The following DNAH9 variants were observed in gnomAD, a reference collection of about 807,000 sequenced individuals.
DNAH9 encodes the protein DNAH9 variant protein.
DNAH9 carries 345 observed loss-of-function variants against 471.6 expected under a neutral mutation model. The observed-to-expected ratio is 0.73, with a 90% confidence interval of 0.67 to 0.80. DNAH9 has a LOEUF of 0.80. DNAH9 is among the 30% of genes least tolerant of loss of function. The pLI is 0.00. For missense variants in DNAH9, 5,407 were observed against 5,609.2 expected (o/e 0.96, Z 1.15); for synonymous variants, 2,093 against 2,123.6 (o/e 0.99, Z 0.40).
intron 15 of DNAH9, among the ~76,000 whole-genome samples, chr17:11,668,087 G>A (rs2073905779): frequency 6.6e-6 from 1 of 152,168 alleles, no homozygotes; most frequent in African/African-American, 2.4e-5. Context: ...GCTCTGTGTT[G>A]TATTTTGATT....
At chr17:11,606,311 A>G (rs1490262596) in intron 1 of DNAH9, among the ~76,000 whole-genome samples, 3 of 151,912 alleles carry the variant, frequency 2.0e-5, no homozygotes, top group Non-Finnish European at 4.4e-5. Context: ...GATTATTTAT[A>G]TATTGGTAGC....
chr17:11,687,487 T>C (rs2074259947), intron 19 of DNAH9, among the ~76,000 whole-genome samples: 1 of 152,154 alleles, frequency 6.6e-6, no homozygotes, highest in African/African-American at 2.4e-5. Context: ...CAAGAGTTTG[T>C]ATGTCATTTT....
In DNAH9 at chr17:11,942,385, G is replaced by A. The variant is rs753041994; in HGVS notation, c.12743G>A (p.Arg4248His). 2.0e-5 allele frequency: 33 copies of A among 1,614,166 alleles called. No homozygotes were observed. The highest frequency in any genetic ancestry group is 8.9e-5 in the East Asian group (4 of 44,884). The change falls in exon 67 of 69, where the codon CGC (arginine) becomes CAC (histidine). Residue 4248 changes from arginine to histidine, a missense_variant. Arg to His is a conservative substitution (Grantham distance 29, BLOSUM62 0). Around this residue, in one of 3 missense-constraint regions of DNAH9, gnomAD observed 4,636 missense variants for 4,900.3 expected, o/e 0.95. Coordinates refer to ENST00000262442, the MANE Select transcript of DNAH9 (RefSeq NM_001372.4). The part of the protein sequence containing the change: ...IPELMAKVEE[R>H]TPYIVVAFQE... Reference sequence around the variant, plus strand: ...GAACTGATGGCCAAAGTGGAGGAGCGCACCCCTTACATTGTAGTTGCCTTC... The same window carrying A: ...GAACTGATGGCCAAAGTGGAGGAGCACACCCCTTACATTGTAGTTGCCTTC...
intron 28 of DNAH9, among the ~76,000 whole-genome samples, chr17:11,731,483 T>C (rs2075269235): frequency 6.6e-6 from 1 of 151,576 alleles, no homozygotes; most frequent in South Asian, 2.1e-4. Flanking sequence ...ATGTGCCATG[T>C]TGGTGTGCTG....
chr17:11,943,562 A>C (rs1273828986), intron 67 of DNAH9, among the ~76,000 whole-genome samples: 1 of 152,070 alleles, frequency 6.6e-6, no homozygotes, highest in African/African-American at 2.4e-5. Flanking sequence ...CTGTAGTCCC[A>C]GTTGCTGGGG....
In DNAH9 at chr17:11,756,568, G is replaced by C. The variant is rs138590276; in HGVS notation, c.6739G>C (p.Val2247Leu). Residue 2247 changes from valine to leucine, a missense_variant and splice_region_variant, in exon 34 of 69, where the codon GTG becomes CTG. Transcript: ENST00000262442. Reference protein sequence around the residue: ...SLNTVMDDNKVLTLASNERIP... With the variant: ...SLNTVMDDNKLLTLASNERIP... ...GCATGCCCTTCCCTGTTGTCTCCAG[G>C]TGCTGACATTGGCCAGCAATGAGAG... The C allele has an allele frequency of 6.3e-7, 1 of 1,597,546 alleles. No individual in the cohort carries two copies. The highest frequency in any genetic ancestry group is 8.6e-7 in the Non-Finnish European group (1 of 1,164,856).
intron 38 of DNAH9, among the ~76,000 whole-genome samples, chr17:11,770,234 T>G (rs1261637838): frequency 3.9e-5 from 6 of 152,208 alleles, no homozygotes; most frequent in Non-Finnish European, 1.5e-5. Context: ...GCCAGCAGAC[T>G]TGCAAAGCAG....
intron 48 of DNAH9, among the ~76,000 whole-genome samples, chr17:11,830,667 C>T (rs1438665378): frequency 6.6e-6 from 1 of 152,122 alleles, no homozygotes; most frequent in Non-Finnish European, 1.5e-5. Context: ...GTTATCAAGA[C>T]GTTTTTGATG....
At chr17:11,681,497 C>T (rs2150742604) in intron 19 of DNAH9, among the ~76,000 whole-genome samples, 1 of 152,250 alleles carries the variant, frequency 6.6e-6, no homozygotes, top group African/African-American at 2.4e-5. Context: ...GCTTCTGGTC[C>T]ACTGCTCAGC....
At chr17:11,906,114 C>A (rs1597810695) in intron 61 of DNAH9, among the ~76,000 whole-genome samples, 2 of 152,136 alleles carry the variant, frequency 1.3e-5, no homozygotes, top group Admixed American at 1.3e-4. Context: ...TAGTATGATC[C>A]TTCCACAGGG....
intron 11 of DNAH9, among the ~76,000 whole-genome samples, chr17:11,646,161 G>C (rs112280537): frequency 6.7e-6 from 1 of 149,372 alleles, no homozygotes; most frequent in Non-Finnish European, 1.5e-5. Flanking sequence ...TTACAGGTGT[G>C]AGCCACCACG....
intron 26 of DNAH9, among the ~76,000 whole-genome samples, chr17:11,716,074 T>G (rs2150796452): frequency 6.8e-6 from 1 of 147,842 alleles, no homozygotes; most frequent in Non-Finnish European, 1.5e-5. Flanking sequence ...CTCTTTCTTT[T>G]TCTTTCTCTT....
At position 11,617,526 on chromosome 17, in the gene DNAH9, C is replaced by T. The variant is rs369392784; in HGVS notation, c.1020C>T (p.His340=). The T allele has an allele frequency of 8.7e-6, 14 of 1,614,126 alleles. No homozygotes were observed. Among genetic ancestry groups the T allele is most frequent in the Middle Eastern group, 3.3e-4 (2 of 6,062 alleles). Reference sequence around the variant, plus strand: ...AGCCCCAGCTGCGGCCCCTGCTCCACGTGGTCTGTCTGATTTGGGCCACAT... The same window carrying T: ...AGCCCCAGCTGCGGCCCCTGCTCCATGTGGTCTGTCTGATTTGGGCCACAT... ...EVKPQLRPLL[H]VVCLIWATCK... Residue 340 remains histidine, a synonymous_variant, in exon 5 of 69, where the codon CAC becomes CAT. Coordinates refer to ENST00000262442, the MANE Select transcript of DNAH9 (RefSeq NM_001372.4).
At chr17:11,831,452 T>G (rs1317225909) in intron 48 of DNAH9, among the ~76,000 whole-genome samples, 1 of 152,022 alleles carries the variant, frequency 6.6e-6, no homozygotes, top group East Asian at 1.9e-4. Context: ...TATCTCTTCA[T>G]GATGGACCCG....
In DNAH9 at chr17:11,745,002, G is replaced by A. The variant is rs1597582072; in HGVS notation, c.6317G>A (p.Arg2106Lys). 5 of 1,614,124 alleles carry A rather than the reference G, an allele frequency of 3.1e-6. No individual in the cohort carries two copies. Among genetic ancestry groups the A allele is most frequent in the Non-Finnish European group, 4.2e-6 (5 of 1,179,994 alleles). Residue 2106 changes from arginine to lysine, a missense_variant, in exon 31 of 69, where the codon AGG becomes AAG. Physicochemically the swap from Arg to Lys is conservative, Grantham distance 26. This residue lies in a region of DNAH9 where 4,636 missense variants were observed against 4,900.3 expected (regional missense o/e 0.95). Transcript: ENST00000262442. ...TTTCCCGCCCTGGATGTCCCCCGGAGGAGAGACCCCAACTTCGAAGCTTTG... is the reference window on the plus strand; with the variant it reads ...TTTCCCGCCCTGGATGTCCCCCGGAAGAGAGACCCCAACTTCGAAGCTTTG... ...DLFPALDVPRRRDPNFEALVR... is the reference protein window; with the variant it reads ...DLFPALDVPRKRDPNFEALVR...
Position 11,962,591 on chromosome 17 carries a change from G to T in DNAH9, c.13233+335G>T, listed in dbSNP as rs1259718095. On this transcript the variant is annotated intron_variant, in intron 68 of 68. Coordinates refer to ENST00000262442, the MANE Select transcript of DNAH9 (RefSeq NM_001372.4). This position sits in a 1 kb window ranked among gnomAD's most constrained non-coding sequence, Gnocchi z 4.1. ...TGTTAGATGGGAGAAGAGCGTCATTGTAAAAGTTAAACGAGCTAATATGTA... is the reference window on the plus strand; with the variant it reads ...TGTTAGATGGGAGAAGAGCGTCATTTTAAAAGTTAAACGAGCTAATATGTA... Among the ~76,000 whole-genome samples the T allele has an allele frequency of 6.6e-6, 1 of 152,104 alleles. No homozygotes were observed. The highest frequency in any genetic ancestry group is 2.4e-5 in the African/African-American group (1 of 41,418).
At chr17:11,706,577 C>T (rs1258651634) in intron 26 of DNAH9, among the ~76,000 whole-genome samples, 1 of 152,114 alleles carries the variant, frequency 6.6e-6, no homozygotes, top group African/African-American at 2.4e-5. Flanking sequence ...GAGGGCCCCA[C>T]TCACAGTAGA....
chr17:11,611,476 C>G (rs1218301528), intron 3 of DNAH9, among the ~76,000 whole-genome samples, 174 bp from the exon 4 acceptor site: 1 of 152,234 alleles, frequency 6.6e-6, no homozygotes. Flanking sequence ...CCAGCTCAGG[C>G]TTTTGCCCTC....
At position 11,689,773 on chromosome 17, in the gene DNAH9, T is replaced by C. The variant is rs1283278667; in HGVS notation, c.3951T>C (p.His1317=). 4 of 1,614,186 alleles carry C rather than the reference T, an allele frequency of 2.5e-6. 1 individual carries two copies. The South Asian group carries it at 4.4e-5, about 18-fold the overall frequency. ...DTIGMVTSSI[H]AWETTPWRNI... is the part of the protein sequence containing the mutation. ...TTGGAATGGTGACCTCCAGCATCCATGCCTGGGAGACCACACCCTGGAGGA... is the reference window on the plus strand; with the variant it reads ...TTGGAATGGTGACCTCCAGCATCCACGCCTGGGAGACCACACCCTGGAGGA... Residue 1317 remains histidine, a synonymous_variant, in exon 20 of 69, where the codon CAT becomes CAC. Coordinates refer to ENST00000262442, the MANE Select transcript of DNAH9 (RefSeq NM_001372.4).
Sources: allele counts gnomAD v4.1 joint callset (sites outside exome capture counted in the v4.1 genomes callset), GRCh38; gene constraint gnomAD v4.1.1; regional missense constraint gnomAD v4.1.1; non-coding constraint Gnocchi (gnomAD v3.1); transcripts MANE v1.5; gene names NCBI Gene and HGNC (gene_info 2026-07-23, HGNC 2026-07-21).